Variants in STX8 observed in about 807,000 individuals in gnomAD.
The protein encoded by STX8 is syntaxin 8, also known as syntaxin-8.
In STX8, 23 loss-of-function variants were observed where a neutral mutation model predicts 37.5. That is an observed-to-expected ratio of 0.61 (90% CI 0.44 to 0.87). The LOEUF (loss-of-function observed/expected upper bound fraction) is 0.87. Ranked by LOEUF, STX8 falls within the 40% of genes least tolerant of loss-of-function variation. STX8 has a pLI of 0.00. For missense variants in STX8, 313 were observed against 284.7 expected, an observed-to-expected ratio of 1.10 and a Z score of -0.71; for synonymous variants, 115 against 99.1, an observed-to-expected ratio of 1.16 and a Z score of -0.95.
chr17:9,557,449 A>G lies in STX8; in HGVS notation c.197T>C (p.Val66Ala). The G allele has an allele frequency of 6.2e-7, 1 of 1,613,764 alleles. No individual in the cohort carries two copies. The highest frequency in any genetic ancestry group is 8.5e-7 in the Non-Finnish European group (1 of 1,179,700). The change falls in exon 3 of 8, where the codon GTG (valine) becomes GCG (alanine). Residue 66 changes from valine (V) to alanine (A), a missense_variant. Transcript: ENST00000306357. ...ACATGGATACATCTGATGTGTTGAC[A>G]CAGCTCTTAGCAATAAGTCCTTCAA... ...ALLKDLLLRAVSTHQITQLEG... is the reference protein window; with the variant it reads ...ALLKDLLLRAASTHQITQLEG...
At chr17:9,517,309 T>C (rs942219174) in intron 4 of STX8, among the ~76,000 whole-genome samples, 2 of 152,206 alleles carry the variant, frequency 1.3e-5, no homozygotes, top group Non-Finnish European at 2.9e-5. Context: ...TATCACATTA[T>C]GGCTGGCATA....
At chr17:9,274,580 G>A (rs909983857) in intron 7 of STX8, among the ~76,000 whole-genome samples, 1 of 150,520 alleles carries the variant, frequency 6.6e-6, no homozygotes, top group African/African-American at 2.4e-5. Flanking sequence ...GGAGGCTAAG[G>A]CAGGAGAATG....
chr17:9,485,311 G>C (rs959827124), intron 6 of STX8, among the ~76,000 whole-genome samples: 6 of 152,098 alleles, frequency 3.9e-5, no homozygotes, highest in South Asian at 4.1e-4. Context: ...TGACAGGACA[G>C]GACAGGACTC....
intron 6 of STX8, among the ~76,000 whole-genome samples, chr17:9,454,051 T>C (rs1905118287): frequency 6.6e-6 from 1 of 152,236 alleles, no homozygotes; most frequent in African/African-American, 2.4e-5. Flanking sequence ...GGAATGACTA[T>C]ATTCTAAATA....
intron 6 of STX8, among the ~76,000 whole-genome samples, chr17:9,434,072 C>G (rs896098322): frequency 1.3e-4 from 20 of 152,188 alleles, no homozygotes; most frequent in Admixed American, 7.8e-4. Flanking sequence ...GGCGCAATCT[C>G]GGCTCACTGC....
At chr17:9,273,793 CTCACG>C (rs1239978803) in intron 7 of STX8, among the ~76,000 whole-genome samples, 100 of 152,344 alleles carry the variant, frequency 6.6e-4, no homozygotes, top group Non-Finnish European at 1.5e-4. Flanking sequence ...GCATTCCCGT[CTCACG>C]TTGGAAATCC....
chr17:9,535,525 C>T (rs550097432), intron 4 of STX8, among the ~76,000 whole-genome samples: 2 of 147,098 alleles, frequency 1.4e-5, no homozygotes, highest in African/African-American at 2.5e-5. Flanking sequence ...CTCCACCTTC[C>T]GGGTTCACAC....
At chr17:9,302,907 A>G (rs1044039082) in intron 7 of STX8, among the ~76,000 whole-genome samples, 6 of 151,842 alleles carry the variant, frequency 4.0e-5, no homozygotes, top group African/African-American at 1.5e-4. Context: ...GTGGTTGTAG[A>G]ACTATTTATG....
At chr17:9,575,014 C>T (rs1907844559) in intron 1 of STX8, among the ~76,000 whole-genome samples, 1 of 152,122 alleles carries the variant, frequency 6.6e-6, no homozygotes, top group South Asian at 2.1e-4. Flanking sequence ...CCAACAAGAA[C>T]GTTATAGAGC....
In STX8 at chr17:9,293,522, A is replaced by G. The variant is rs143072719; in HGVS notation, c.644-42877T>C. On this transcript the variant is annotated intron_variant, in intron 7 of 7. Transcript: ENST00000306357. ...TAACTTGGGCATGAGGTAGCTATGAAGAATTCTCAAAGACCTGATTAAGGT... is the reference window on the plus strand; with the variant it reads ...TAACTTGGGCATGAGGTAGCTATGAGGAATTCTCAAAGACCTGATTAAGGT... Among the ~76,000 whole-genome samples the G allele has an allele frequency of 2.7e-3, 404 of 152,134 alleles. 3 individuals carry two copies. Among genetic ancestry groups the G allele is most frequent in the African/African-American group, 8.9e-3 (370 of 41,482 alleles).
At chr17:9,367,859 T>C (rs1911276964) in intron 7 of STX8, among the ~76,000 whole-genome samples, 1 of 152,124 alleles carries the variant, frequency 6.6e-6, no homozygotes, top group South Asian at 2.1e-4. Flanking sequence ...GCCTCCCTAA[T>C]AGCTGGGATT....
At chr17:9,329,228 C>A (rs1412294821) in intron 7 of STX8, among the ~76,000 whole-genome samples, 1 of 152,002 alleles carries the variant, frequency 6.6e-6, no homozygotes, top group Non-Finnish European at 1.5e-5. Context: ...CAAAAACAAC[C>A]AAAGTGCCAA....
intron 6 of STX8, among the ~76,000 whole-genome samples, chr17:9,436,584 G>A (rs928656215): frequency 6.6e-6 from 1 of 152,154 alleles, no homozygotes. Context: ...ACCTACTTGG[G>A]TTTTAATCAT....
At chr17:9,258,927 C>T (rs773533934) in intron 7 of STX8, among the ~76,000 whole-genome samples, 7 of 152,324 alleles carry the variant, frequency 4.6e-5, no homozygotes, top group African/African-American at 7.2e-5. Context: ...CTGCTCAGCC[C>T]GTACACAGCC....
At chr17:9,421,352 A>C (rs1393978909) in intron 6 of STX8, among the ~76,000 whole-genome samples, 3 of 139,820 alleles carry the variant, frequency 2.1e-5, no homozygotes, top group African/African-American at 8.1e-5. Flanking sequence ...GGATGGAGCC[A>C]CTGCACTCCA....
intron 4 of STX8, among the ~76,000 whole-genome samples, chr17:9,518,293 TCTTACCAGACCCCTCCTCCAGGC>T (rs796256591): frequency 0.035 from 5,299 of 152,016 alleles, 289 homozygotes; most frequent in African/African-American, 0.12. Context: ...TCTTCCCAGG[TCTTACCAGACCCCTCCTCCAGGC>T]CTTACCAGAC....
chr17:9,439,875 AACACATTCCC>A (rs1404325180), intron 6 of STX8, among the ~76,000 whole-genome samples: 2 of 152,090 alleles, frequency 1.3e-5, no homozygotes, highest in East Asian at 1.9e-4. Context: ...CTGGAGCTGG[AACACATTCCC>A]ACACATTACC....
chr17:9,274,744 C>CT (rs201550065), intron 7 of STX8, among the ~76,000 whole-genome samples: 19,979 of 88,550 alleles, frequency 0.23, 6,096 homozygotes, highest in Non-Finnish European at 0.29. Flanking sequence ...ACAACAATTT[C>CT]TTTTTTCTTT....
rs140294359 is a variant in STX8, at chr17:9,444,931, G to A, written c.541+46898C>T. 6.6e-5 allele frequency among the ~76,000 whole-genome samples: 10 copies of A among 152,262 alleles called. 1 individual carries two copies. In the South Asian group the frequency reaches 1.0e-3, roughly 16 times the overall value. ...CATTTGTAGAAGCAAACATGTTGCC[G>A]TCTAACACAGATTGATCACCAGCTG... On this transcript the variant is annotated intron_variant, in intron 6 of 7. Coordinates refer to ENST00000306357, the MANE Select transcript of STX8 (RefSeq NM_004853.3).
Sources: gnomAD v4.1 joint callset for allele counts (sites outside exome capture counted in the v4.1 genomes callset) on GRCh38, gnomAD v4.1.1 for gene constraint, MANE v1.5 for transcripts, NCBI Gene and HGNC (gene_info 2026-07-23, HGNC 2026-07-21) for gene names.